Variants in MZT2A observed in about 807,000 individuals in gnomAD.
MZT2A encodes mitotic-spindle organizing protein 2A.
In MZT2A, 8 loss-of-function variants were observed where a neutral mutation model predicts 12.4. The ratio of observed to expected loss-of-function variants is 0.64; its 90% confidence interval spans 0.38 to 1.16. MZT2A has a LOEUF of 1.16. MZT2A is among the 50% of genes most tolerant of loss of function. The pLI, the probability that MZT2A is intolerant of heterozygous loss-of-function variation, is 0.01. For missense variants in MZT2A, 181 were observed against 223.6 expected (o/e 0.81, Z 1.22); for synonymous variants, 88 against 107.5 (o/e 0.82, Z 1.12).
chr2:131,482,960 C>T, downstream of MZT2A: 1 of 1,514,726 alleles, frequency 6.6e-7, no homozygotes, highest in African/African-American at 1.4e-5. Flanking sequence ...TGCAGCTTAG[C>T]TCTGCCTACA....
upstream of MZT2A, chr2:131,492,954 TGGCCGGCC>T: frequency 6.6e-7 from 1 of 1,522,930 alleles, no homozygotes. Flanking sequence ...TTCCCCTCCC[TGGCCGGCC>T]GGCCGGCCTT....
At chr2:131,486,329 A>ACACTG (rs1679049156) in intron 2 of MZT2A, 3 of 166,768 alleles carry the variant, frequency 1.8e-5, no homozygotes, top group African/African-American at 2.4e-5. Context: ...AGCAGCTCCC[A>ACACTG]CACTGGGCCA....
intron 3 of MZT2A, among the ~76,000 whole-genome samples, chr2:131,470,688 G>C (rs1257683653): frequency 1.4e-5 from 2 of 146,744 alleles, no homozygotes; most frequent in Non-Finnish European, 2.9e-5. Context: ...AAGCATTTGG[G>C]CACTCAATAT....
At chr2:131,486,240 G>C (rs1679045969) in intron 2 of MZT2A, among the ~76,000 whole-genome samples, 1 of 152,000 alleles carries the variant, frequency 6.6e-6, no homozygotes, top group African/African-American at 2.4e-5. Context: ...GGTACAAACT[G>C]CCATAATTCT....
At chr2:131,480,026 T>A (rs1678799394), downstream of MZT2A, 2 of 1,533,646 alleles carry the variant, frequency 1.3e-6, no homozygotes. Flanking sequence ...GTTGGTGGTG[T>A]GGCTTCCATG....
At chr2:131,476,543 C>T (rs2463343) in intron 2 of MZT2A, among the ~76,000 whole-genome samples, 9 of 152,096 alleles carry the variant, frequency 5.9e-5, no homozygotes, top group Non-Finnish European at 8.8e-5. Flanking sequence ...ACTGAGGAGC[C>T]CCAGGAGCCT....
chr2:131,493,729 T>C (rs1405089502), upstream of MZT2A, among the ~76,000 whole-genome samples: 3 of 150,108 alleles, frequency 2.0e-5, no homozygotes, highest in African/African-American at 7.3e-5. Flanking sequence ...AGAAAATAGG[T>C]GTTGGAGAGT....
downstream of MZT2A, chr2:131,482,590 G>A (rs1573864104): frequency 1.2e-6 from 2 of 1,613,378 alleles, no homozygotes; most frequent in East Asian, 4.5e-5. Context: ...TGGTCCCCGG[G>A]GGAGACCTGG....
chr2:131,486,671 T>G (rs57359059), intron 2 of MZT2A: 21,738 of 151,420 alleles, frequency 0.14, 2,947 homozygotes, highest in African/African-American at 0.36. Context: ...TGTCACCTGG[T>G]CTAGAGCACA....
intron 2 of MZT2A, chr2:131,472,273 A>AT (rs1705004289): frequency 9.1e-7 from 1 of 1,097,598 alleles, no homozygotes; most frequent in South Asian, 1.5e-5. Flanking sequence ...TATTGAAATG[A>AT]TTTAATAATT....
chr2:131,490,863 T>C, intron 2 of MZT2A: 1 of 1,549,956 alleles, frequency 6.5e-7, no homozygotes, highest in Admixed American at 2.0e-5. Flanking sequence ...GCAGGGGGGC[T>C]ACTGTTCCTG....
upstream of MZT2A, chr2:131,492,641 T>G (rs918756761): frequency 1.6e-6 from 2 of 1,233,120 alleles, no homozygotes; most frequent in African/African-American, 3.2e-5. Context: ...GCGTCCCTGA[T>G]AGACTTGCAT....
upstream of MZT2A, chr2:131,492,844 A>T (rs1417837500): frequency 1.4e-6 from 2 of 1,475,002 alleles, no homozygotes; most frequent in East Asian, 6.0e-5. Flanking sequence ...CTTGCTAGGG[A>T]GAAAGTGCGT....
intron 2 of MZT2A, 29 bp from the exon 3 acceptor site, chr2:131,484,247 G>C: frequency 6.2e-7 from 1 of 1,607,200 alleles, no homozygotes; most frequent in Non-Finnish European, 8.5e-7. Context: ...CAATGATTAG[G>C]AATGGACGCG....
At chr2:131,480,675 G>T (rs745718611), downstream of MZT2A, 1 of 1,613,866 alleles carries the variant, frequency 6.2e-7, no homozygotes, top group South Asian at 1.1e-5. Context: ...CCCCAAAGAC[G>T]TCAACGCGGC....
chr2:131,493,005 G>T, upstream of MZT2A: 2 of 1,498,976 alleles, frequency 1.3e-6, no homozygotes, highest in South Asian at 2.4e-5. Context: ...TTGAGGTAAC[G>T]GCCCAAAGAG....
chr2:131,476,162 T>C (rs1573855156), intron 2 of MZT2A: 2 of 1,613,428 alleles, frequency 1.2e-6, no homozygotes, highest in Non-Finnish European at 1.7e-6. Context: ...CCGGTTGAGG[T>C]CTGGCAGTAG....
At chr2:131,487,712 T>C (rs1329714624) in intron 2 of MZT2A, among the ~76,000 whole-genome samples, 1 of 152,256 alleles carries the variant, frequency 6.6e-6, no homozygotes, top group East Asian at 1.9e-4. Flanking sequence ...TGCCTCAGCC[T>C]CCAAAAATGT....
intron 2 of MZT2A, among the ~76,000 whole-genome samples, chr2:131,477,843 T>C (rs1339086179): frequency 6.6e-6 from 1 of 152,168 alleles, no homozygotes; most frequent in Non-Finnish European, 1.5e-5. Flanking sequence ...CTACATATTC[T>C]TCAGAGAATT....
Sources: allele counts gnomAD v4.1 joint callset (sites outside exome capture counted in the v4.1 genomes callset), GRCh38; gene constraint gnomAD v4.1.1; transcripts MANE v1.5; gene names NCBI Gene and HGNC (gene_info 2026-07-23, HGNC 2026-07-21).